The following SATB2 variants were observed in gnomAD, a reference collection of about 807,000 sequenced individuals.
SATB2 encodes SATB homeobox 2.
In SATB2, 1 loss-of-function variant was observed where a neutral mutation model predicts 73.4. The ratio of observed to expected loss-of-function variants is 0.01; its 90% CI spans 0.00 to 0.06. The LOEUF (loss-of-function observed/expected upper bound fraction) is 0.06, where lower values mean the gene tolerates loss of function less well. SATB2 is among the 10% of genes least tolerant of loss of function. SATB2 has a pLI of 1.00. For missense variants in SATB2, 459 were observed against 945.8 expected, an observed-to-expected ratio of 0.49 and a Z score of 6.75; for synonymous variants, 397 against 367.0, an observed-to-expected ratio of 1.08 and a Z score of -0.93.
intron 3 of SATB2, among the ~76,000 whole-genome samples, chr2:199,420,844 T>G (rs1691143910): frequency 6.6e-6 from 1 of 152,216 alleles, no homozygotes; most frequent in Admixed American, 6.5e-5. Flanking sequence ...TATTGTATAC[T>G]TATTTAATTA....
In SATB2 at chr2:199,308,876, G is replaced by A. The variant is rs767163210; in HGVS notation, c.1624C>T (p.Arg542Cys). Residue 542 changes from arginine to cysteine, a missense_variant, in exon 10 of 11, where the codon CGT becomes TGT. By Grantham distance (180) the Arg-to-Cys change is radical. Coordinates refer to ENST00000417098, the MANE Select transcript of SATB2 (RefSeq NM_001172509.2). The surrounding 1 kb of genome is among the most constrained non-coding windows in gnomAD (Gnocchi z 4.6). ...RTLWENLCTI[R>C]RFLNLPQHER... Reference sequence around the variant, plus strand: ...TGCTGGGGAAGGTTCAGGAAGCGACGGATGGTACAGAGGTTTTCCCAGAGG... The same window carrying A: ...TGCTGGGGAAGGTTCAGGAAGCGACAGATGGTACAGAGGTTTTCCCAGAGG... 3.1e-6 allele frequency: 5 copies of A among 1,614,130 alleles called. No homozygotes were observed. The highest frequency in any genetic ancestry group is 2.2e-5 in the East Asian group (1 of 44,874).
In SATB2 at chr2:199,381,766, G is replaced by A. The variant is rs1689784754; in HGVS notation, c.401C>T (p.Ala134Val). 3 of 1,613,960 alleles carry A rather than the reference G, an allele frequency of 1.9e-6. No homozygotes were observed. Among genetic ancestry groups the A allele is most frequent in the Non-Finnish European group, 2.5e-6 (3 of 1,179,946 alleles). The change falls in exon 4 of 11, where the codon GCA becomes GTA. Residue 134 changes from alanine to valine, a missense_variant. Ala to Val is a moderately conservative substitution (Grantham distance 64). Around this residue, in one of 13 missense-constraint regions of SATB2, gnomAD observed 56 missense variants for 183.7 expected, o/e 0.30. Transcript: ENST00000417098. ...NPLPLSYVTD[A>V]PDATVADMLQ... The stretch of plus-strand genomic sequence containing the variant: ...CATGTCGGCCACTGTCGCGTCGGGT[G>A]CATCTGTCACATAACTGAGGGGGAG...
intron 3 of SATB2, among the ~76,000 whole-genome samples, chr2:199,393,923 C>G (rs975065722): frequency 6.6e-6 from 1 of 152,020 alleles, no homozygotes; most frequent in Non-Finnish European, 1.5e-5. Context: ...TTTTTTTAAA[C>G]TGAATATCAT....
At chr2:199,379,372 G>A (rs1363895179) in intron 5 of SATB2, among the ~76,000 whole-genome samples, 1 of 152,156 alleles carries the variant, frequency 6.6e-6, no homozygotes, top group African/African-American at 2.4e-5. Flanking sequence ...TGTATATGAT[G>A]TAAAGATCAT....
At chr2:199,446,567 G>C (rs866396086) in intron 2 of SATB2, among the ~76,000 whole-genome samples, 2 of 152,026 alleles carry the variant, frequency 1.3e-5, no homozygotes, top group African/African-American at 2.4e-5. Flanking sequence ...GTTCCACCCA[G>C]AATTAATGTT....
intron 10 of SATB2, among the ~76,000 whole-genome samples, chr2:199,277,321 G>A (rs1391966813): frequency 6.6e-6 from 1 of 152,134 alleles, no homozygotes; most frequent in African/African-American, 2.4e-5. Context: ...GCATTTTACT[G>A]TATGCAAACT....
chr2:199,349,320 G>C, intron 6 of SATB2, 147 bp from the exon 7 acceptor site: 1 of 671,434 alleles, frequency 1.5e-6, no homozygotes, highest in Non-Finnish European at 2.5e-6. Context: ...GCATAAAAGT[G>C]ATATTCTTTT....
rs1194725945 is a variant in SATB2 at position 199,386,706 on chromosome 2, GCGCGCGCGCGCACA to G, written c.347-4900_347-4887del. Reference sequence around the variant, plus strand: ...CATACACGTGCGCAAGCGCGCGCGCGCGCGCGCGCGCACACACACACACACACACACACACACAC... The same window carrying G: ...CATACACGTGCGCAAGCGCGCGCGCGCACACACACACACACACACACACAC... On this transcript the variant is annotated intron_variant, in intron 3 of 10. Transcript: ENST00000417098. Among the ~76,000 whole-genome samples, 574 of 95,890 alleles carry G rather than the reference GCGCGCGCGCGCACA, an allele frequency of 6.0e-3. 3 individuals are homozygous for G. The highest frequency in any genetic ancestry group is 0.02 in the African/African-American group (515 of 25,280). 62.9% of individuals were successfully genotyped at this position (95,890 alleles called of 152,430 possible). A position where few individuals can be genotyped will look rare whatever the true frequency, so the allele number is the denominator to read the frequency against.
chr2:199,440,856 T>A (rs536108564), intron 2 of SATB2, among the ~76,000 whole-genome samples: 1 of 151,124 alleles, frequency 6.6e-6, no homozygotes, highest in African/African-American at 2.4e-5. Flanking sequence ...TAATTACTTT[T>A]TTTTTTTTTT....
chr2:199,377,956 T>C (rs550037575), intron 5 of SATB2, among the ~76,000 whole-genome samples: 2 of 151,724 alleles, frequency 1.3e-5, no homozygotes, highest in East Asian at 3.9e-4. Flanking sequence ...GAAAGAGGTT[T>C]TTATGATAGG....
intron 6 of SATB2, among the ~76,000 whole-genome samples, chr2:199,359,888 C>T (rs978500152): frequency 6.6e-6 from 1 of 152,164 alleles, no homozygotes; most frequent in Non-Finnish European, 1.5e-5. Context: ...TGTCTATTCC[C>T]TTGGGAGTTC....
chr2:199,338,689 G>A (rs557261119), intron 7 of SATB2, among the ~76,000 whole-genome samples: 1 of 152,230 alleles, frequency 6.6e-6, no homozygotes, highest in African/African-American at 2.4e-5. Flanking sequence ...AAGCTGAGGT[G>A]GGTGACTGCC....
At chr2:199,416,864 A>T (rs959117356) in intron 3 of SATB2, among the ~76,000 whole-genome samples, 3 of 151,978 alleles carry the variant, frequency 2.0e-5, no homozygotes, top group Non-Finnish European at 4.4e-5. Context: ...GTGAAACCCT[A>T]TCTCTACTAA....
chr2:199,284,091 C>A (rs991699713), intron 10 of SATB2, among the ~76,000 whole-genome samples: 15 of 152,274 alleles, frequency 9.9e-5, no homozygotes, highest in African/African-American at 3.6e-4. Context: ...CCAATTATAC[C>A]TTTTAACCTT....
At chr2:199,289,467 G>A (rs1692786665) in intron 10 of SATB2, among the ~76,000 whole-genome samples, 1 of 152,104 alleles carries the variant, frequency 6.6e-6, no homozygotes, top group Admixed American at 6.6e-5. Flanking sequence ...CTCCCACAAG[G>A]CCATTCAGCA....
At position 199,464,440 on chromosome 2, in the gene SATB2, C is replaced by T. The variant is rs1692551944; in HGVS notation, c.-141+396G>A. Reference sequence around the variant, plus strand: ...ATTTCCACGCGCGCGCGCGCACACACACACACACACACACAGAGGGACTTG... The same window carrying T: ...ATTTCCACGCGCGCGCGCGCACACATACACACACACACACAGAGGGACTTG... On this transcript the variant is annotated intron_variant, in intron 1 of 11. Coordinates refer to the SATB2 transcript ENST00000260926. This position sits in a 1 kb window ranked among gnomAD's most constrained non-coding sequence, Gnocchi z 6.6. Among the ~76,000 whole-genome samples the T allele has an allele frequency of 2.0e-5, 3 of 151,800 alleles. No individual in the cohort carries two copies. In the South Asian group the frequency reaches 6.2e-4, roughly 31 times the overall value.
intron 2 of SATB2, among the ~76,000 whole-genome samples, chr2:199,444,008 C>G (rs1014134236): frequency 1.3e-5 from 2 of 151,964 alleles, no homozygotes; most frequent in African/African-American, 4.8e-5. Flanking sequence ...GGAATACTTC[C>G]CAGACAAAAT....
intron 10 of SATB2, among the ~76,000 whole-genome samples, chr2:199,278,698 C>T (rs544760380): frequency 3.9e-4 from 60 of 152,266 alleles, no homozygotes; most frequent in African/African-American, 1.4e-3. Context: ...AAGAAAAATT[C>T]AGTTTGTAAT....
intron 3 of SATB2, among the ~76,000 whole-genome samples, chr2:199,426,732 GAAAGAA>G (rs1349662243): frequency 7.1e-6 from 1 of 140,330 alleles, no homozygotes; most frequent in African/African-American, 2.7e-5. Context: ...GAAAAAGAAA[GAAAGAA>G]AAAGAAAAAA....
Sources: gnomAD v4.1 joint callset for allele counts (sites outside exome capture counted in the v4.1 genomes callset) on GRCh38, gnomAD v4.1.1 for gene constraint, gnomAD v4.1.1 regional missense constraint, Gnocchi (gnomAD v3.1) non-coding constraint, MANE v1.5 for transcripts, NCBI Gene and HGNC (gene_info 2026-07-23, HGNC 2026-07-21) for gene names.